The following TRAT1 variants were observed in gnomAD, a reference collection of about 807,000 sequenced individuals.
The protein encoded by TRAT1 is T-cell receptor-associated transmembrane adapter 1.
Under a neutral mutation model 20.0 loss-of-function variants are expected in TRAT1, and 20 were observed. That is an observed-to-expected ratio of 1.00 (90% CI 0.70 to 1.45). The LOEUF (loss-of-function observed/expected upper bound fraction) is 1.45. Ranked by LOEUF, TRAT1 falls within the 40% of genes most tolerant of loss-of-function variation. TRAT1 has a pLI of 0.00. For synonymous variants in TRAT1, 77 were observed against 74.2 expected (o/e 1.04, Z -0.20); for missense variants, 237 against 224.1 (o/e 1.06, Z -0.37).
At position 108,822,911 on chromosome 3, in the gene TRAT1, C is replaced by A; in HGVS notation, c.-17C>A. On this transcript the variant is annotated 5_prime_UTR_variant, in exon 1 of 6. Transcript: ENST00000295756. ...TTGTCTTATGGCTAGATAAAGATTTCTCTGAAAAAAAGAAGCATGTCAGGT... is the reference window on the plus strand; with the variant it reads ...TTGTCTTATGGCTAGATAAAGATTTATCTGAAAAAAAGAAGCATGTCAGGT... The A allele has an allele frequency of 6.2e-7, 1 of 1,608,338 alleles. No homozygotes were observed. The highest frequency in any genetic ancestry group is 8.5e-7 in the Non-Finnish European group (1 of 1,176,256).
At chr3:108,828,562 C>A (rs960800556) in intron 1 of TRAT1, among the ~76,000 whole-genome samples, 1 of 152,082 alleles carries the variant, frequency 6.6e-6, no homozygotes, top group African/African-American at 2.4e-5. Context: ...AGGAAATCCC[C>A]AGGCCTTTAT....
chr3:108,845,982 C>T (rs912028090), intron 3 of TRAT1, among the ~76,000 whole-genome samples: 1 of 152,152 alleles, frequency 6.6e-6, no homozygotes, highest in Non-Finnish European at 1.5e-5. Flanking sequence ...CTAGCAAGAG[C>T]AAATAGCTGT....
chr3:108,823,107 AT>A (rs1427072965), intron 1 of TRAT1, among the ~76,000 whole-genome samples, 173 bp downstream of exon 1: 1 of 152,158 alleles, frequency 6.6e-6, no homozygotes, highest in Non-Finnish European at 1.5e-5. Context: ...ATAAGTTGAC[AT>A]TTTTCTTTTG....
chr3:108,828,081 G>T (rs904118304), intron 1 of TRAT1, among the ~76,000 whole-genome samples: 1 of 152,082 alleles, frequency 6.6e-6, no homozygotes, highest in Non-Finnish European at 1.5e-5. Flanking sequence ...ATGATTTATA[G>T]CTAGATTCAG....
rs985876320 is a variant in TRAT1 at position 108,854,009 on chromosome 3, T to C, written c.*132T>C. On this transcript the variant is annotated 3_prime_UTR_variant, in exon 6 of 6. Transcript: ENST00000295756. ...ATCATTTGTTGATGGGATGGTGGCT[T>C]ACCTCTTATTCACAGCTTACACTTA... 7 of 795,784 alleles carry C rather than the reference T, an allele frequency of 8.8e-6. No homozygotes were observed. The highest frequency in any genetic ancestry group is 1.2e-5 in the Non-Finnish European group (6 of 482,316). 49.3% of individuals were successfully genotyped at this position (795,784 alleles called of 1,614,324 possible).
At chr3:108,835,116 C>G (rs575674578) in intron 2 of TRAT1, among the ~76,000 whole-genome samples, 6 of 152,184 alleles carry the variant, frequency 3.9e-5, no homozygotes, top group Non-Finnish European at 8.8e-5. Context: ...GGCATCTTCA[C>G]ATTTAACATG....
chr3:108,851,499 A>G (rs1230751133), intron 5 of TRAT1, among the ~76,000 whole-genome samples: 1 of 151,962 alleles, frequency 6.6e-6, no homozygotes, highest in East Asian at 1.9e-4. Context: ...GCTCTTATTC[A>G]TGATCTTGAC....
chr3:108,823,098 T>C (rs554246549), intron 1 of TRAT1, among the ~76,000 whole-genome samples, 164 bp downstream of exon 1: 55 of 152,264 alleles, frequency 3.6e-4, no homozygotes, highest in Non-Finnish European at 3.1e-4. Flanking sequence ...TTAATGAGTA[T>C]AAGTTGACAT....
At chr3:108,834,166 A>C (rs1370465047) in intron 2 of TRAT1, among the ~76,000 whole-genome samples, 3 of 152,202 alleles carry the variant, frequency 2.0e-5, no homozygotes, top group South Asian at 2.1e-4. Flanking sequence ...ATTCAGGTCC[A>C]TTTCAGAGAG....
In TRAT1 at chr3:108,840,307, T is replaced by A. The variant is rs568481286; in HGVS notation, c.152+1340T>A. ...TCTTTTGGTTTCTTTTTACAACACATAATGATGAAAATCCTATATAATCAC... is the reference window on the plus strand; with the variant it reads ...TCTTTTGGTTTCTTTTTACAACACAAAATGATGAAAATCCTATATAATCAC... On this transcript the variant is annotated intron_variant, in intron 3 of 5. Coordinates refer to ENST00000295756, the MANE Select transcript of TRAT1 (RefSeq NM_016388.4). Among the ~76,000 whole-genome samples the A allele has an allele frequency of 2.0e-5, 3 of 152,190 alleles. No individual in the cohort carries two copies. The South Asian group carries it at 6.2e-4, about 31-fold the overall frequency.
chr3:108,825,942 C>T (rs942166254), intron 1 of TRAT1, among the ~76,000 whole-genome samples: 1 of 152,062 alleles, frequency 6.6e-6, no homozygotes, highest in African/African-American at 2.4e-5. Context: ...TCACTAAATA[C>T]AGAGAAAGAC....
At chr3:108,828,864 A>G (rs1490872852) in intron 1 of TRAT1, among the ~76,000 whole-genome samples, 1 of 151,608 alleles carries the variant, frequency 6.6e-6, no homozygotes, top group Non-Finnish European at 1.5e-5. Context: ...CATTCCCTTA[A>G]GAAATTTTGA....
At chr3:108,833,021 T>C (rs916380701) in intron 2 of TRAT1, among the ~76,000 whole-genome samples, 4 of 152,222 alleles carry the variant, frequency 2.6e-5, no homozygotes, top group African/African-American at 9.7e-5. Flanking sequence ...CATTGGGATT[T>C]ATTTACCCAC....
chr3:108,834,020 T>C (rs1416436837), intron 2 of TRAT1, among the ~76,000 whole-genome samples: 1 of 152,158 alleles, frequency 6.6e-6, no homozygotes, highest in Admixed American at 6.5e-5. Context: ...CTCTGGCTAC[T>C]TTGCTGCTCC....
At chr3:108,835,686 C>A (rs1945832557) in intron 2 of TRAT1, among the ~76,000 whole-genome samples, 1 of 152,124 alleles carries the variant, frequency 6.6e-6, no homozygotes, top group African/African-American at 2.4e-5. Context: ...TTCAGGTGCT[C>A]CCTTTAACCA....
intron 3 of TRAT1, among the ~76,000 whole-genome samples, chr3:108,844,128 C>T (rs1431369326): frequency 2.0e-5 from 3 of 152,132 alleles, no homozygotes; most frequent in African/African-American, 7.2e-5. Flanking sequence ...CTTCTCAGGC[C>T]CTTAAAATAG....
At chr3:108,849,096 T>G in intron 4 of TRAT1, 70 bp from the exon 5 acceptor site, 1 of 1,274,992 alleles carries the variant, frequency 7.8e-7, no homozygotes, top group Non-Finnish European at 1.1e-6. Context: ...GTTGTTTGGA[T>G]CATGTATTTT....
intron 2 of TRAT1, among the ~76,000 whole-genome samples, chr3:108,833,016 G>A (rs1945808382): frequency 6.6e-6 from 1 of 151,992 alleles, no homozygotes; most frequent in Non-Finnish European, 1.5e-5. Flanking sequence ...TTGTGCATTG[G>A]GATTTATTTA....
At chr3:108,846,689 C>T (rs1259344166) in intron 3 of TRAT1, among the ~76,000 whole-genome samples, 2 of 152,186 alleles carry the variant, frequency 1.3e-5, no homozygotes, top group Admixed American at 6.5e-5. Context: ...TATGACCTCT[C>T]TGTGCCTCAG....
Sources: allele counts gnomAD v4.1 joint callset (sites outside exome capture counted in the v4.1 genomes callset), GRCh38; gene constraint gnomAD v4.1.1; transcripts MANE v1.5; gene names NCBI Gene and HGNC (gene_info 2026-07-23, HGNC 2026-07-21).